Variants in ELMO1 observed in about 807,000 individuals in gnomAD.
ELMO1 encodes engulfment and cell motility protein 1.
ELMO1 carries 26 observed loss-of-function variants against 98.9 expected under a neutral mutation model. The observed-to-expected ratio is 0.26, with a 90% confidence interval of 0.19 to 0.36. The LOEUF is 0.36. Ranked by LOEUF, ELMO1 falls within the 10% of genes least tolerant of loss-of-function variation. ELMO1 has a pLI of 1.00. For synonymous variants in ELMO1, 346 were observed against 346.0 expected, an observed-to-expected ratio of 1.00 and a Z score of 0.00; for missense variants, 627 against 935.2, an observed-to-expected ratio of 0.67 and a Z score of 4.30.
chr7:37,157,215 A>T (rs1486890773), intron 13 of ELMO1, among the ~76,000 whole-genome samples: 1 of 152,242 alleles, frequency 6.6e-6, no homozygotes, highest in Non-Finnish European at 1.5e-5. Context: ...TATCATACTG[A>T]ATGGGGAAAA....
chr7:37,070,322 C>T (rs554946785), intron 15 of ELMO1, among the ~76,000 whole-genome samples: 7 of 152,146 alleles, frequency 4.6e-5, no homozygotes, highest in South Asian at 4.2e-4. Context: ...ATTAAACAGA[C>T]GAGAAGAGGA....
chr7:37,041,052 C>A (rs1191561996), intron 15 of ELMO1, among the ~76,000 whole-genome samples: 1 of 152,050 alleles, frequency 6.6e-6, no homozygotes, highest in East Asian at 1.9e-4. Context: ...TGCACTCCAG[C>A]CTGGGCAACA....
intron 2 of ELMO1, among the ~76,000 whole-genome samples, chr7:37,332,012 C>T (rs73346148): frequency 0.012 from 1,792 of 152,038 alleles, 25 homozygotes; most frequent in African/African-American, 0.04. Context: ...GGGTGGTCAA[C>T]GAAGAAATGA....
intron 16 of ELMO1, among the ~76,000 whole-genome samples, chr7:37,005,122 A>AG (rs1340002861): frequency 2.0e-5 from 3 of 151,032 alleles, no homozygotes; most frequent in East Asian, 3.9e-4. Flanking sequence ...AAAAAAAAAA[A>AG]AAAAAAAAAA....
At chr7:37,083,629 C>T (rs1161918918) in intron 15 of ELMO1, among the ~76,000 whole-genome samples, 1 of 152,216 alleles carries the variant, frequency 6.6e-6, no homozygotes, top group Non-Finnish European at 1.5e-5. Context: ...TAAGGGAAGC[C>T]ACATTGGGTT....
chr7:37,327,396 G>C (rs1799875224), intron 2 of ELMO1, among the ~76,000 whole-genome samples: 1 of 152,202 alleles, frequency 6.6e-6, no homozygotes, highest in African/African-American at 2.4e-5. Flanking sequence ...AGCTCCAATG[G>C]ATAGGATGTT....
At chr7:37,126,201 A>C (rs973866013) in intron 14 of ELMO1, among the ~76,000 whole-genome samples, 2 of 151,508 alleles carry the variant, frequency 1.3e-5, no homozygotes, top group African/African-American at 4.8e-5. Context: ...AATGTAAATG[A>C]CTAGTTAATG....
chr7:37,245,661 A>C (rs551256105), intron 6 of ELMO1, among the ~76,000 whole-genome samples: 7 of 152,276 alleles, frequency 4.6e-5, no homozygotes, highest in African/African-American at 1.7e-4. Context: ...CTGAGCATAA[A>C]TTGGCAGCAC....
chr7:37,203,231 CCTTA>C lies in ELMO1; in HGVS notation c.1086+8151_1086+8154del, dbSNP rs1386452598. 2.0e-5 allele frequency among the ~76,000 whole-genome samples: 3 copies of C among 152,148 alleles called. No individual in the cohort carries two copies. In the East Asian group the frequency reaches 5.8e-4, roughly 29 times the overall value. ...ACTGAGCAAAATTGTATTTAATGGC[CCTTA>C]CTGACACATTCTCGAAAACCTGTTA... On this transcript the variant is annotated intron_variant, in intron 13 of 21. Transcript: ENST00000310758.
At chr7:37,439,053 C>T (rs1478037963) in intron 1 of ELMO1, among the ~76,000 whole-genome samples, 2 of 152,252 alleles carry the variant, frequency 1.3e-5, no homozygotes, top group Non-Finnish European at 2.9e-5. Context: ...TGCATTGGCA[C>T]AGCAAGCACA....
At chr7:37,115,666 C>T (rs936941471) in intron 14 of ELMO1, among the ~76,000 whole-genome samples, 1 of 151,972 alleles carries the variant, frequency 6.6e-6, no homozygotes, top group Non-Finnish European at 1.5e-5. Context: ...AAACTTGACT[C>T]TGCCCTAGGA....
At chr7:37,212,832 G>C (rs963504039) in intron 12 of ELMO1, among the ~76,000 whole-genome samples, 135 of 152,158 alleles carry the variant, frequency 8.9e-4, no homozygotes, top group African/African-American at 3.2e-3. Flanking sequence ...AACCTTTCAT[G>C]CACAACAAGA....
At chr7:36,958,806 G>A (rs764482863) in intron 16 of ELMO1, among the ~76,000 whole-genome samples, 5 of 151,512 alleles carry the variant, frequency 3.3e-5, no homozygotes, top group Non-Finnish European at 7.4e-5. Flanking sequence ...AATGCCTTGA[G>A]TTTGGCCCTT....
chr7:37,352,448 G>A (rs1801313961), intron 1 of ELMO1, among the ~76,000 whole-genome samples: 1 of 152,208 alleles, frequency 6.6e-6, no homozygotes, highest in Admixed American at 6.5e-5. Flanking sequence ...ACTTCTCAGG[G>A]ACTTTAACGT....
At chr7:37,437,473 T>C (rs1416087808) in intron 1 of ELMO1, among the ~76,000 whole-genome samples, 1 of 152,238 alleles carries the variant, frequency 6.6e-6, no homozygotes, top group Non-Finnish European at 1.5e-5. Context: ...ATTTTAACAG[T>C]TGGTACTTCT....
chr7:37,027,358 CA>C lies in ELMO1; in HGVS notation c.1301-13924del, dbSNP rs146100900. Among the ~76,000 whole-genome samples, 285 of 152,290 alleles carry C rather than the reference CA, an allele frequency of 1.9e-3. 5 individuals carry two copies. The highest frequency in any genetic ancestry group is 6.5e-3 in the African/African-American group (270 of 41,558). ...CAAGGGGATTCCCTTTACCATGCAC[CA>C]CCTGCCCCATTTACAGGAACCTACT... On this transcript the variant is annotated intron_variant, in intron 15 of 21. Transcript: ENST00000310758.
chr7:36,867,707 CATTTTA>C (rs1472916917), intron 20 of ELMO1, among the ~76,000 whole-genome samples: 1 of 152,062 alleles, frequency 6.6e-6, no homozygotes, highest in African/African-American at 2.4e-5. Flanking sequence ...GCTGGATTTT[CATTTTA>C]TTTAGTTTGA....
intron 3 of ELMO1, 149 bp downstream of exon 3, chr7:37,315,771 T>C (rs900198959): frequency 4.1e-6 from 3 of 728,476 alleles, no homozygotes; most frequent in African/African-American, 3.6e-5. Flanking sequence ...TGGAAAAGGG[T>C]GTGATATTCC....
At chr7:37,182,587 CCTCT>C (rs999204351) in intron 13 of ELMO1, among the ~76,000 whole-genome samples, 92 of 150,830 alleles carry the variant, frequency 6.1e-4, no homozygotes, top group African/African-American at 2.1e-3. Flanking sequence ...CCCTCCCCCT[CCTCT>C]CTCTCTTCTC....
Sources: gnomAD v4.1 joint callset for allele counts (sites outside exome capture counted in the v4.1 genomes callset) on GRCh38, gnomAD v4.1.1 for gene constraint, MANE v1.5 for transcripts, NCBI Gene and HGNC (gene_info 2026-07-23, HGNC 2026-07-21) for gene names.